The following STXBP2 variants were observed in gnomAD, a reference collection of about 807,000 sequenced individuals.
The protein encoded by STXBP2 is syntaxin-binding protein 2.
A neutral mutation model predicts 72.2 loss-of-function variants in STXBP2; 47 were observed. The ratio of observed to expected loss-of-function variants is 0.65; its 90% CI spans 0.51 to 0.83. STXBP2 has a LOEUF of 0.83. STXBP2 is among the 40% of genes least tolerant of loss of function. STXBP2 has a pLI of 0.00. For missense variants in STXBP2, 702 were observed against 807.6 expected (o/e 0.87, Z 1.58); for synonymous variants, 367 against 338.7 (o/e 1.08, Z -0.92).
the STXBP2 span, chr19:7,631,395 T>TTGGGG: frequency 3.1e-6 from 1 of 318,046 alleles, no homozygotes; most frequent in Non-Finnish European, 5.1e-6. Flanking sequence ...GTGGGAGAGG[T>TTGGGG]GGGCGGGGGG....
rs1038285130 is a variant in STXBP2 at position 7,642,796 on chromosome 19, T to G, written c.933T>G (p.Cys311Trp). The G allele has an allele frequency of 1.9e-6, 3 of 1,613,766 alleles. No individual in the cohort carries two copies. The highest frequency in any genetic ancestry group is 1.1e-5 in the South Asian group (1 of 91,074). ...KKVTELLRTF[C>W]ESKRLTTDKA... is the part of the protein sequence containing the mutation. ...TCACGGAGCTCCTGAGGACCTTCTG[T>G]GAGAGCAAGAGGCTGACCACGGACA... The change falls in exon 11 of 19, where the codon TGT (cysteine) becomes TGG (tryptophan). Residue 311 changes from cysteine to tryptophan, a missense_variant. Cys to Trp is a radical substitution (Grantham distance 215). Coordinates refer to ENST00000221283, the MANE Select transcript of STXBP2 (RefSeq NM_006949.4). The surrounding 1 kb of genome is among the most constrained non-coding windows in gnomAD (Gnocchi z 6.0).
At chr19:7,630,138 G>A in the STXBP2 span, 6 of 482,522 alleles carry the variant, frequency 1.2e-5, no homozygotes, top group Non-Finnish European at 2.2e-5. Context: ...AAAGAAGGAA[G>A]ACTTAAGATC....
intron 13 of STXBP2, 146 bp from the exon 14 acceptor site, chr19:7,644,468 G>T: frequency 9.2e-7 from 1 of 1,081,156 alleles, no homozygotes; most frequent in South Asian, 1.5e-5. Context: ...CCTGGACAGG[G>T]GTGGGACCTT....
the STXBP2 span, chr19:7,630,627 G>C: frequency 6.5e-7 from 1 of 1,537,184 alleles, no homozygotes; most frequent in Non-Finnish European, 8.7e-7. Context: ...CAATCAGGCC[G>C]AGTGGTTTGA....
At chr19:7,632,663 G>A, upstream of STXBP2, 1 of 1,552,960 alleles carries the variant, frequency 6.4e-7, no homozygotes, top group East Asian at 2.4e-5. This position sits in a 1 kb window ranked among gnomAD's most constrained non-coding sequence, Gnocchi z 5.2. Context: ...CACTTGCCCT[G>A]CACTCCCACC....
chr19:7,642,631 T>C lies in STXBP2; in HGVS notation c.902+95T>C. On this transcript the variant is annotated intron_variant, in intron 10 of 18. Coordinates refer to ENST00000221283, the MANE Select transcript of STXBP2 (RefSeq NM_006949.4). The surrounding 1 kb of genome is among the most constrained non-coding windows in gnomAD (Gnocchi z 6.0). ...CTGGCTGCTGCCAAGTCTTTGGCCC[T>C]CATGAGCACCCCTCGTGTGACTCCA... The C allele has an allele frequency of 6.6e-7, 1 of 1,520,334 alleles. No homozygotes were observed. Among genetic ancestry groups the C allele is most frequent in the Non-Finnish European group, 9.1e-7 (1 of 1,097,688 alleles). 94.2% of individuals were successfully genotyped at this position (1,520,334 alleles called of 1,614,324 possible).
At chr19:7,630,738 G>C in the STXBP2 span, 6 of 1,533,404 alleles carry the variant, frequency 3.9e-6, 1 homozygote, top group South Asian at 7.1e-5. Flanking sequence ...GGGGACTAAT[G>C]TCTGCCTCCC....
the STXBP2 span, chr19:7,631,181 C>A: frequency 7.9e-7 from 1 of 1,270,764 alleles, no homozygotes; most frequent in Non-Finnish European, 1.0e-6. Flanking sequence ...TGCACTCCAG[C>A]CTGGGCAATA....
intron 4 of STXBP2, chr19:7,640,421 C>CGCGCGCATCTGTGTGTGT: frequency 2.1e-6 from 1 of 478,214 alleles, no homozygotes; most frequent in South Asian, 1.8e-5. Flanking sequence ...TGTATGTGTG[C>CGCGCGCATCTGTGTGTGT]GCGCGCATCT....
intron 1 of STXBP2, among the ~76,000 whole-genome samples, chr19:7,637,433 G>T (rs1279246465): frequency 1.3e-5 from 2 of 152,154 alleles, no homozygotes; most frequent in Non-Finnish European, 2.9e-5. Context: ...GGTAGAGTGT[G>T]GCGGAGGCTG....
chr19:7,643,157 C>A lies in STXBP2; in HGVS notation c.1027-8C>A. 1 of 1,614,108 alleles carries A rather than the reference C, an allele frequency of 6.2e-7. No individual in the cohort carries two copies. Among genetic ancestry groups the A allele is most frequent in the East Asian group, 2.2e-5 (1 of 44,892 alleles). On this transcript the variant is annotated splice_polypyrimidine_tract_variant and splice_region_variant and intron_variant, in intron 12 of 18. Transcript: ENST00000221283. ...GTTATCCCCCAACCCCCACCCTGCACCCTGCAGTATTCTACGCACCTGCAT... is the reference window on the plus strand; with the variant it reads ...GTTATCCCCCAACCCCCACCCTGCAACCTGCAGTATTCTACGCACCTGCAT...
At chr19:7,635,982 T>G (rs2031515451), upstream of STXBP2, among the ~76,000 whole-genome samples, 1 of 152,240 alleles carries the variant, frequency 6.6e-6, no homozygotes. Context: ...TGTGGCTGCT[T>G]CTAGAATCCA....
rs776110816 is a variant in STXBP2, at chr19:7,640,763, G to A, written c.279G>A (p.Gly93=). 8 of 1,614,082 alleles carry A rather than the reference G, an allele frequency of 5.0e-6. No individual in the cohort carries two copies. The South Asian group carries it at 6.6e-5, about 13-fold the overall frequency. ...SVQALIKDFQ[G]TPTFTYKAAH... is the part of the protein sequence containing the mutation. ...AGGCCCTGATCAAAGACTTCCAGGGGACCCCGACTTTCACCTACAAAGCGG... is the reference window on the plus strand; with the variant it reads ...AGGCCCTGATCAAAGACTTCCAGGGAACCCCGACTTTCACCTACAAAGCGG... Residue 93 remains glycine, a synonymous_variant, in exon 5 of 19, where the codon GGG becomes GGA. Coordinates refer to ENST00000221283, the MANE Select transcript of STXBP2 (RefSeq NM_006949.4).
rs193001535 is a variant in STXBP2, at chr19:7,641,117, C to T, written c.429+114C>T. Reference sequence around the variant, plus strand: ...CAGTGGCTCATACCTGTAATCCCAGCGCTGTGGGAGGCCAGGGCAGGAGGA... The same window carrying T: ...CAGTGGCTCATACCTGTAATCCCAGTGCTGTGGGAGGCCAGGGCAGGAGGA... On this transcript the variant is annotated intron_variant, in intron 6 of 18. Coordinates refer to ENST00000221283, the MANE Select transcript of STXBP2 (RefSeq NM_006949.4). 49 of 1,140,984 alleles carry T rather than the reference C, an allele frequency of 4.3e-5. No homozygotes were observed. In the African/African-American group the frequency reaches 5.0e-4, roughly 12 times the overall value. 70.7% of individuals were successfully genotyped at this position (1,140,984 alleles called of 1,614,324 possible).
upstream of STXBP2, chr19:7,632,510 G>T: frequency 2.5e-6 from 4 of 1,613,152 alleles, no homozygotes; most frequent in Non-Finnish European, 3.4e-6. The surrounding 1 kb of genome is among the most constrained non-coding windows in gnomAD (Gnocchi z 5.2). Flanking sequence ...CGGGGGTGGG[G>T]TCGCTCTCTG....
intron 4 of STXBP2, 22 bp downstream of exon 4, chr19:7,639,829 T>G (rs1348412669): frequency 6.2e-7 from 1 of 1,612,664 alleles, no homozygotes; most frequent in Non-Finnish European, 8.5e-7. Flanking sequence ...AGTGAGCGTG[T>G]GTGTATGCGC....
rs529478519 is a variant in STXBP2 at position 7,640,038 on chromosome 19, CTGTG to C, written c.246+236_246+239del. The C allele has an allele frequency of 1.2e-4, 75 of 644,050 alleles. No homozygotes were observed. The African/African-American group carries it at 1.3e-3, about 11-fold the overall frequency. 39.9% of individuals were successfully genotyped at this position (644,050 alleles called of 1,614,324 possible). ...TGTGTGCATGTGCATGTGTGTGCGTCTGTGTGTGCATTTGTGTGTATGTGTGTAT... is the reference window on the plus strand; with the variant it reads ...TGTGTGCATGTGCATGTGTGTGCGTCTGTGCATTTGTGTGTATGTGTGTAT... On this transcript the variant is annotated intron_variant, in intron 4 of 18. Transcript: ENST00000221283.
the STXBP2 span, chr19:7,630,296 G>T: frequency 3.3e-4 from 175 of 525,652 alleles, no homozygotes; most frequent in African/African-American, 3.1e-3. Flanking sequence ...GTCTCGAGGA[G>T]ATGCTTTTGA....
At chr19:7,640,033 T>G in intron 4 of STXBP2, 1 of 666,990 alleles carries the variant, frequency 1.5e-6, no homozygotes. Flanking sequence ...TGCATGTGTG[T>G]GCGTCTGTGT....
Sources: gnomAD v4.1 joint callset for allele counts (sites outside exome capture counted in the v4.1 genomes callset) on GRCh38, gnomAD v4.1.1 for gene constraint, Gnocchi (gnomAD v3.1) non-coding constraint, MANE v1.5 for transcripts, NCBI Gene and HGNC (gene_info 2026-07-23, HGNC 2026-07-21) for gene names.